CHRM3: variants seen among roughly 807,000 people sequenced by gnomAD.
CHRM3 encodes the protein cholinergic receptor muscarinic 3.
Under a neutral mutation model 41.8 loss-of-function variants are expected in CHRM3, and 11 were observed. The observed-to-expected ratio is 0.26, with a 90% CI of 0.17 to 0.44. The LOEUF is 0.44. CHRM3 is among the 20% of genes least tolerant of loss of function. The pLI is 1.00. For synonymous variants in CHRM3, 297 were observed against 301.4 expected, an observed-to-expected ratio of 0.99 and a Z score of 0.15; for missense variants, 571 against 745.4, an observed-to-expected ratio of 0.77 and a Z score of 2.72.
intron 5 of CHRM3, among the ~76,000 whole-genome samples, chr1:239,820,554 C>T (rs1162351232): frequency 6.6e-6 from 1 of 152,178 alleles, no homozygotes; most frequent in African/African-American, 2.4e-5. Context: ...AGAGAACAAT[C>T]TCATCCTATG....
At position 239,908,745 on chromosome 1, in the gene CHRM3, G is replaced by T. The variant is rs1446692422; in HGVS notation, c.1294G>T (p.Glu432Ter). The change falls in exon 7 of 7, where the codon GAG (glutamate) becomes TAG (stop). Residue 432 changes from glutamate to a stop codon, truncating the protein, a stop_gained. Transcript: ENST00000676153. LOFTEE classifies it high-confidence loss of function. The surrounding 1 kb of genome is among the most constrained non-coding windows in gnomAD (Gnocchi z 7.2). ...KSFSKLPIQL[E>*]SAVDTAKTSD... ...CTTCTCCAAGCTTCCCATCCAGCTA[G>T]AGTCAGCCGTGGACACAGCTAAGAC... The T allele has an allele frequency of 6.2e-7, 1 of 1,613,904 alleles. No individual in the cohort carries two copies. Among genetic ancestry groups the T allele is most frequent in the Non-Finnish European group, 8.5e-7 (1 of 1,179,936 alleles).
intron 5 of CHRM3, among the ~76,000 whole-genome samples, chr1:239,694,453 A>C (rs1659996964): frequency 6.6e-6 from 1 of 152,360 alleles, no homozygotes; most frequent in South Asian, 2.1e-4. Context: ...TCTTTAAAAC[A>C]AGGCTTAACG....
At position 239,863,727 on chromosome 1, in the gene CHRM3, G is replaced by GA. The variant is rs947892674; in HGVS notation, c.-20+36352dup. Among the ~76,000 whole-genome samples the GA allele has an allele frequency of 9.0e-4, 136 of 150,832 alleles. 3 individuals carry two copies. Among genetic ancestry groups the GA allele is most frequent in the Admixed American group, 7.8e-3 (119 of 15,218 alleles). Reference sequence around the variant, plus strand: ...AGAAAGAAGGTGGGGGGAAGAGAAAGAAACAAAGAAGAAAGGGAGGGAAGG... The same window carrying GA: ...AGAAAGAAGGTGGGGGGAAGAGAAAGAAAACAAAGAAGAAAGGGAGGGAAGG... On this transcript the variant is annotated intron_variant, in intron 6 of 6. Transcript: ENST00000676153.
intron 6 of CHRM3, among the ~76,000 whole-genome samples, chr1:239,856,665 A>G (rs982938844): frequency 6.6e-6 from 1 of 152,178 alleles, no homozygotes; most frequent in Non-Finnish European, 1.5e-5. Context: ...GAAGACAATT[A>G]AAAGCCATGG....
At chr1:239,627,892 T>C (rs1331692760) in intron 3 of CHRM3, among the ~76,000 whole-genome samples, 1 of 150,842 alleles carries the variant, frequency 6.6e-6, no homozygotes, top group Non-Finnish European at 1.5e-5. Flanking sequence ...TGATGGGCTT[T>C]CCTTTGAGGG....
In CHRM3 at chr1:239,907,587, G is replaced by A; in HGVS notation, c.136G>A (p.Ala46Thr). 2.5e-6 allele frequency: 4 copies of A among 1,614,156 alleles called. No individual in the cohort carries two copies. Among genetic ancestry groups the A allele is most frequent in the Non-Finnish European group, 3.4e-6 (4 of 1,180,036 alleles). The stretch of plus-strand genomic sequence containing the variant: ...CGGCAGCTACAATGTTTCTCGAGCA[G>A]CTGGCAATTTCTCCTCTCCAGACGG... ...HFGSYNVSRA[A>T]GNFSSPDGTT... is the part of the protein sequence containing the mutation. The change falls in exon 7 of 7, where the codon GCT becomes ACT. Residue 46 changes from alanine to threonine, a missense_variant. By Grantham distance (58) the Ala-to-Thr change is moderately conservative. This residue lies in a region of CHRM3 where 92 missense variants were observed against 76.1 expected (regional missense o/e 1.21). Transcript: ENST00000676153. The surrounding 1 kb of genome is among the most constrained non-coding windows in gnomAD (Gnocchi z 5.4).
At chr1:239,725,883 AC>A (rs1251429143) in intron 5 of CHRM3, among the ~76,000 whole-genome samples, 1 of 151,962 alleles carries the variant, frequency 6.6e-6, no homozygotes. Context: ...AGATGTACAG[AC>A]TTTTCTTAAA....
At chr1:239,479,641 C>G (rs922761801) in intron 1 of CHRM3, among the ~76,000 whole-genome samples, 1 of 152,178 alleles carries the variant, frequency 6.6e-6, no homozygotes, top group African/African-American at 2.4e-5. Flanking sequence ...GTGTTATAGC[C>G]TATTGCTCCT....
At chr1:239,608,754 A>G (rs1444927898) in intron 3 of CHRM3, among the ~76,000 whole-genome samples, 1 of 152,220 alleles carries the variant, frequency 6.6e-6, no homozygotes, top group African/African-American at 2.4e-5. Flanking sequence ...TTTCAGCAAG[A>G]CAACAGTTTT....
chr1:239,526,349 C>T (rs1381091050), intron 2 of CHRM3, among the ~76,000 whole-genome samples: 1 of 152,144 alleles, frequency 6.6e-6, no homozygotes, highest in Admixed American at 6.5e-5. Flanking sequence ...TTCTGAACAT[C>T]CAAATCCTGA....
chr1:239,469,010 A>G (rs1368103466), intron 1 of CHRM3, among the ~76,000 whole-genome samples: 1 of 152,244 alleles, frequency 6.6e-6, no homozygotes, highest in African/African-American at 2.4e-5. Context: ...TTTATAAGGG[A>G]AGACCAAAAG....
intron 5 of CHRM3, among the ~76,000 whole-genome samples, chr1:239,816,233 G>T (rs985831997): frequency 2.6e-5 from 4 of 152,118 alleles, no homozygotes; most frequent in Non-Finnish European, 4.4e-5. Flanking sequence ...GGCTGCTGCT[G>T]CCCCTCCCAT....
intron 1 of CHRM3, among the ~76,000 whole-genome samples, chr1:239,396,112 G>T (rs552359246): frequency 1.3e-5 from 2 of 152,222 alleles, no homozygotes; most frequent in South Asian, 4.2e-4. Flanking sequence ...TTAGCAATTT[G>T]TCAAGGACCA....
At chr1:239,805,341 C>A (rs1052214785) in intron 5 of CHRM3, among the ~76,000 whole-genome samples, 18 of 152,128 alleles carry the variant, frequency 1.2e-4, no homozygotes, top group Non-Finnish European at 2.6e-4. Flanking sequence ...GCTAAGTTCG[C>A]CATTTCACTC....
At chr1:239,396,264 T>C (rs977037794) in intron 1 of CHRM3, among the ~76,000 whole-genome samples, 3 of 152,168 alleles carry the variant, frequency 2.0e-5, no homozygotes, top group Admixed American at 6.5e-5. Context: ...CTGTGTTTTG[T>C]TGGTCTTTGA....
At position 239,786,682 on chromosome 1, in the gene CHRM3, C is replaced by T. The variant is rs566969015; in HGVS notation, c.-146-40570C>T. ...GGGCTCAGAGGAATGCCGCATCTCA[C>T]ACCGCAGGGTGCCGAGGGCAGGCGG... On this transcript the variant is annotated intron_variant, in intron 5 of 6. Transcript: ENST00000676153. 1.2e-4 allele frequency among the ~76,000 whole-genome samples: 19 copies of T among 152,250 alleles called. No homozygotes were observed. In the South Asian group the frequency reaches 3.5e-3, roughly 28 times the overall value.
At chr1:239,741,882 T>C (rs1386394311) in intron 5 of CHRM3, among the ~76,000 whole-genome samples, 1 of 152,200 alleles carries the variant, frequency 6.6e-6, no homozygotes, top group Admixed American at 6.5e-5. Flanking sequence ...TTTTATTTTG[T>C]CCATCAACCT....
At chr1:239,553,038 G>A (rs79618598) in intron 3 of CHRM3, among the ~76,000 whole-genome samples, 55 of 152,004 alleles carry the variant, frequency 3.6e-4, no homozygotes, top group African/African-American at 1.2e-3. Flanking sequence ...CTCAATCGTC[G>A]CAAGTCTGCA....
At chr1:239,554,347 G>A (rs539273018) in intron 3 of CHRM3, among the ~76,000 whole-genome samples, 1 of 152,094 alleles carries the variant, frequency 6.6e-6, no homozygotes, top group Non-Finnish European at 1.5e-5. Flanking sequence ...GGTATAGCAG[G>A]CCCTGGGACT....
Sources: allele counts gnomAD v4.1 joint callset (sites outside exome capture counted in the v4.1 genomes callset), GRCh38; gene constraint gnomAD v4.1.1; regional missense constraint gnomAD v4.1.1; non-coding constraint Gnocchi (gnomAD v3.1); transcripts MANE v1.5; gene names NCBI Gene and HGNC (gene_info 2026-07-23, HGNC 2026-07-21).